ZNF438: variants seen among roughly 807,000 people sequenced by gnomAD.
The protein encoded by ZNF438 is zinc finger protein 438.
Under a neutral mutation model 38.0 loss-of-function variants are expected in ZNF438, and 25 were observed. That is an observed-to-expected ratio of 0.66 (90% confidence interval 0.48 to 0.92). The LOEUF (loss-of-function observed/expected upper bound fraction) is 0.92, where lower values mean the gene tolerates loss of function less well. ZNF438 is among the 40% of genes least tolerant of loss of function. The pLI, the probability that ZNF438 is intolerant of heterozygous loss-of-function variation, is 0.00. For synonymous variants in ZNF438, 372 were observed against 364.1 expected, an observed-to-expected ratio of 1.02 and a Z score of -0.25; for missense variants, 1,007 against 999.6, an observed-to-expected ratio of 1.01 and a Z score of -0.10.
At chr10:30,889,264 A>G (rs975687971) in intron 3 of ZNF438, among the ~76,000 whole-genome samples, 1 of 152,260 alleles carries the variant, frequency 6.6e-6, no homozygotes, top group Non-Finnish European at 1.5e-5. Flanking sequence ...AATCTACAGA[A>G]TAAATTTTAA....
chr10:30,934,288 G>GT (rs1372502953), intron 2 of ZNF438, among the ~76,000 whole-genome samples: 1 of 152,134 alleles, frequency 6.6e-6, no homozygotes, highest in African/African-American at 2.4e-5. Flanking sequence ...TCCTTGATCC[G>GT]TATCTGTGTA....
chr10:31,005,712 C>T (rs1163736475), intron 1 of ZNF438, among the ~76,000 whole-genome samples: 1 of 152,148 alleles, frequency 6.6e-6, no homozygotes, highest in African/African-American at 2.4e-5. Context: ...GTAGTATCCA[C>T]TTCACTGTGT....
chr10:30,874,114 G>GTGTGTGTATA (rs1257613270), intron 4 of ZNF438, among the ~76,000 whole-genome samples: 1 of 80,300 alleles, frequency 1.2e-5, no homozygotes, highest in African/African-American at 6.9e-5. Flanking sequence ...GTGTGTGTGT[G>GTGTGTGTATA]TATATATATA....
At chr10:31,007,343 G>A (rs544671929) in intron 1 of ZNF438, among the ~76,000 whole-genome samples, 9 of 146,192 alleles carry the variant, frequency 6.2e-5, no homozygotes, top group Admixed American at 1.4e-4. Flanking sequence ...GTGCAGTGGC[G>A]TGATCTCAGC....
At chr10:30,948,773 A>G (rs1425502370) in intron 1 of ZNF438, among the ~76,000 whole-genome samples, 3 of 151,574 alleles carry the variant, frequency 2.0e-5, no homozygotes, top group Non-Finnish European at 4.4e-5. Context: ...TCTACATCTG[A>G]TTGGTGTACC....
At chr10:30,989,965 G>A (rs1400045633) in intron 1 of ZNF438, among the ~76,000 whole-genome samples, 1 of 152,172 alleles carries the variant, frequency 6.6e-6, no homozygotes, top group African/African-American at 2.4e-5. Flanking sequence ...CCCTTAAACA[G>A]TAGGGCTTCT....
At chr10:31,024,959 G>A (rs1218821632) in intron 1 of ZNF438, among the ~76,000 whole-genome samples, 1 of 152,102 alleles carries the variant, frequency 6.6e-6, no homozygotes, top group Non-Finnish European at 1.5e-5. Context: ...AATATTCATA[G>A]CCAAAAACAA....
intron 1 of ZNF438, among the ~76,000 whole-genome samples, chr10:30,969,109 G>A (rs967901851): frequency 4.0e-5 from 6 of 151,784 alleles, no homozygotes; most frequent in Non-Finnish European, 1.5e-5. Context: ...TTTTTCATTG[G>A]TATAACTTCA....
intron 1 of ZNF438, among the ~76,000 whole-genome samples, chr10:31,002,367 T>C (rs1003351262): frequency 6.6e-6 from 1 of 152,202 alleles, no homozygotes; most frequent in African/African-American, 2.4e-5. Context: ...TCACCCTTAG[T>C]CACATTTGAT....
At chr10:30,994,057 G>A (rs1201443166) in intron 1 of ZNF438, among the ~76,000 whole-genome samples, 1 of 152,232 alleles carries the variant, frequency 6.6e-6, no homozygotes, top group East Asian at 1.9e-4. Flanking sequence ...TTTGGAAGTA[G>A]GTAACTTATT....
chr10:30,858,090 A>G (rs2034977951), intron 4 of ZNF438, among the ~76,000 whole-genome samples: 1 of 152,228 alleles, frequency 6.6e-6, no homozygotes, highest in Admixed American at 6.5e-5. Flanking sequence ...CTAAGAGTGC[A>G]GAAGGGAGCA....
intron 1 of ZNF438, among the ~76,000 whole-genome samples, chr10:30,959,620 T>A (rs1217425978): frequency 1.4e-5 from 2 of 141,056 alleles, no homozygotes; most frequent in Non-Finnish European, 3.2e-5. Flanking sequence ...TGTTGGCAGG[T>A]GCCTGTAGTC....
At chr10:30,998,487 G>A (rs907304702) in intron 1 of ZNF438, among the ~76,000 whole-genome samples, 20 of 140,844 alleles carry the variant, frequency 1.4e-4, no homozygotes, top group African/African-American at 4.7e-4. Context: ...AGCTTGCAGT[G>A]AGCCGAGATC....
chr10:30,867,560 G>A (rs1001170178), intron 4 of ZNF438, among the ~76,000 whole-genome samples: 2 of 152,174 alleles, frequency 1.3e-5, no homozygotes, highest in Non-Finnish European at 2.9e-5. Flanking sequence ...ATTTTTGAGA[G>A]TGTAAAGGGT....
chr10:31,031,398 T>G (rs181610001), intron 1 of ZNF438, among the ~76,000 whole-genome samples: 79 of 152,306 alleles, frequency 5.2e-4, no homozygotes, highest in African/African-American at 1.9e-3. Flanking sequence ...TGGTCACTTG[T>G]GGGATCCCAA....
chr10:30,845,297 G>A lies in ZNF438; in HGVS notation c.2151C>T (p.Ser717=), dbSNP rs149836065. 3.4e-5 allele frequency: 55 copies of A among 1,614,050 alleles called. No homozygotes were observed. In the East Asian group the frequency reaches 7.4e-4, roughly 22 times the overall value. Residue 717 remains serine (S), a synonymous_variant, in exon 6 of 6, where the codon TCC becomes TCT. Transcript: ENST00000413025. Reference sequence around the variant, plus strand: ...GTCTTGGACATGCATGTGATTCCTCGGAGGAGGAATGAACCTTCTCCGGCT... The same window carrying A: ...GTCTTGGACATGCATGTGATTCCTCAGAGGAGGAATGAACCTTCTCCGGCT...
At chr10:31,006,552 G>A (rs1324993823) in intron 1 of ZNF438, among the ~76,000 whole-genome samples, 1 of 152,072 alleles carries the variant, frequency 6.6e-6, no homozygotes, top group Non-Finnish European at 1.5e-5. Flanking sequence ...GTTTTCCTAA[G>A]TTCTGTGAGC....
At chr10:31,011,418 A>C (rs542493369) in intron 1 of ZNF438, among the ~76,000 whole-genome samples, 1 of 152,346 alleles carries the variant, frequency 6.6e-6, no homozygotes, top group South Asian at 2.1e-4. Context: ...AGTCAGACTG[A>C]ATAAAAGGTC....
chr10:31,027,676 T>G (rs1027675146), intron 1 of ZNF438, among the ~76,000 whole-genome samples: 7 of 152,092 alleles, frequency 4.6e-5, no homozygotes, highest in African/African-American at 1.7e-4. Context: ...GTGGTGTAAA[T>G]AAAGACTAAT....
Sources: gnomAD v4.1 joint callset for allele counts (sites outside exome capture counted in the v4.1 genomes callset) on GRCh38, gnomAD v4.1.1 for gene constraint, MANE v1.5 for transcripts, NCBI Gene and HGNC (gene_info 2026-07-23, HGNC 2026-07-21) for gene names.